CCDC144A: variants seen among roughly 807,000 people sequenced by gnomAD.
CCDC144A encodes the protein coiled-coil domain containing 144A, also known as coiled-coil domain-containing protein 144A.
In CCDC144A, 41 loss-of-function variants were observed where a neutral mutation model predicts 143.8. That is an observed-to-expected ratio of 0.29 (90% CI 0.22 to 0.37). The LOEUF (loss-of-function observed/expected upper bound fraction) is 0.37. Among genes scored for constraint, CCDC144A ranks in the 10% least tolerant of loss-of-function variants. The probability of loss-of-function intolerance (pLI) is 1.00; values close to 1 mark genes in which losing one functional copy is unlikely to be tolerated. For synonymous variants in CCDC144A, 242 were observed against 517.9 expected (o/e 0.47, Z 7.23); for missense variants, 637 against 1,488.8 (o/e 0.43, Z 9.41).
At chr17:16,678,481 C>G in the CCDC144A span, among the ~76,000 whole-genome samples, 5 of 152,068 alleles carry the variant, frequency 3.3e-5, no homozygotes, top group South Asian at 6.3e-4. Context: ...TTCAGAAACC[C>G]GAAGCCCCAC....
At chr17:16,721,806 C>T (rs770476710) in intron 8 of CCDC144A, among the ~76,000 whole-genome samples, 56 of 152,138 alleles carry the variant, frequency 3.7e-4, no homozygotes, top group Admixed American at 7.9e-4. Context: ...AACACAGCTG[C>T]ATTCCATTAA....
chr17:16,725,410 A>G (rs1194214496), intron 8 of CCDC144A, among the ~76,000 whole-genome samples: 2 of 151,430 alleles, frequency 1.3e-5, no homozygotes. Context: ...ATTAGCGATA[A>G]CTATTTTTTT....
At chr17:16,673,434 T>C in the CCDC144A span, among the ~76,000 whole-genome samples, 3 of 151,564 alleles carry the variant, frequency 2.0e-5, no homozygotes, top group African/African-American at 4.8e-5. Flanking sequence ...TTGCCCAGGC[T>C]GGAGTACAGT....
rs775583093 is a variant in CCDC144A at position 16,690,455 on chromosome 17, G to A, written c.55G>A (p.Ala19Thr). 1.2e-5 allele frequency: 20 copies of A among 1,609,708 alleles called. No individual in the cohort carries two copies. Among genetic ancestry groups the A allele is most frequent in the South Asian group, 6.6e-5 (6 of 90,952 alleles). The change falls in exon 1 of 17, where the codon GCA becomes ACA. Residue 19 changes from alanine to threonine, a missense_variant. Transcript: ENST00000399273. ...RGGAEGSPKP[A>T]VYATRKTPSV... ...AGGGGCTGAGGGGTCTCCGAAGCCGGCAGTCTACGCCACGAGGAAGACCCC... is the reference window on the plus strand; with the variant it reads ...AGGGGCTGAGGGGTCTCCGAAGCCGACAGTCTACGCCACGAGGAAGACCCC...
In CCDC144A at chr17:16,777,501, A is replaced by T. The variant is rs1188743152; in HGVS notation, c.*3868A>T. On this transcript the variant is annotated 3_prime_UTR_variant, in exon 17 of 17. Transcript: ENST00000399273. ...CAGTAAATTTAAGAAAATCAGAATT[A>T]TATCAAGTACTCTCTCAGACCACAG... is the stretch of plus-strand genomic sequence containing the variant. 6 of 136,796 alleles carry T rather than the reference A, an allele frequency of 4.4e-5. No individual in the cohort carries two copies. The highest frequency in any genetic ancestry group is 9.2e-5 in the Non-Finnish European group (6 of 65,214). The allele number at this position is 136,796 out of a possible 1,614,324, so 8.5% of individuals were successfully genotyped here. A position where few individuals can be genotyped will look rare whatever the true frequency, so the allele number is the denominator to read the frequency against.
chr17:16,689,842 G>A (rs1910936899), upstream of CCDC144A: 1 of 152,406 alleles, frequency 6.6e-6, no homozygotes, highest in Non-Finnish European at 1.5e-5. Flanking sequence ...GGGCAACTTT[G>A]CTGCAGTGGC....
chr17:16,776,549 T>A lies in CCDC144A; in HGVS notation c.*2916T>A, dbSNP rs1167973016. 6.6e-6 allele frequency: 1 copy of A among 152,220 alleles called. No homozygotes were observed. The highest frequency in any genetic ancestry group is 1.5e-5 in the Non-Finnish European group (1 of 68,046). 9.4% of individuals were successfully genotyped at this position (152,220 alleles called of 1,614,324 possible). On this transcript the variant is annotated 3_prime_UTR_variant, in exon 17 of 17. Transcript: ENST00000399273. ...ATGCTAGTGACTTTTGCACATTGAT[T>A]TTGTATCCTGAGACTTTGTTGAAGT...
At chr17:16,676,352 A>G in the CCDC144A span, among the ~76,000 whole-genome samples, 1 of 151,762 alleles carries the variant, frequency 6.6e-6, no homozygotes. Context: ...TCTCTACTAA[A>G]ATACAAAAAT....
chr17:16,742,163 G>GTT (rs1269894565), intron 12 of CCDC144A, among the ~76,000 whole-genome samples: 1 of 151,552 alleles, frequency 6.6e-6, no homozygotes, highest in Non-Finnish European at 1.5e-5. Context: ...TTCCTCCTAT[G>GTT]TAACTGTAAT....
chr17:16,698,301 C>A (rs1344696878), intron 2 of CCDC144A, among the ~76,000 whole-genome samples: 2 of 152,048 alleles, frequency 1.3e-5, no homozygotes, highest in Non-Finnish European at 2.9e-5. Flanking sequence ...GTGAGAATTT[C>A]AAGGAGGGAG....
chr17:16,668,341 TA>T, the CCDC144A span, among the ~76,000 whole-genome samples: 1 of 152,192 alleles, frequency 6.6e-6, no homozygotes, highest in Non-Finnish European at 1.5e-5. Flanking sequence ...ACTTATACCA[TA>T]TTTAAGTTTA....
intron 8 of CCDC144A, among the ~76,000 whole-genome samples, chr17:16,720,870 T>G (rs1386647898): frequency 2.6e-5 from 4 of 152,172 alleles, no homozygotes; most frequent in Non-Finnish European, 4.4e-5. Flanking sequence ...TTTTGTTGAC[T>G]CTTTCTCTCC....
At chr17:16,722,602 A>G (rs1156354468) in intron 8 of CCDC144A, among the ~76,000 whole-genome samples, 1 of 152,108 alleles carries the variant, frequency 6.6e-6, no homozygotes, top group Non-Finnish European at 1.5e-5. Flanking sequence ...GTATAAGGAC[A>G]TGTATTTATC....
At chr17:16,753,646 C>A (rs1268332497) in intron 12 of CCDC144A, among the ~76,000 whole-genome samples, 64 of 151,914 alleles carry the variant, frequency 4.2e-4, no homozygotes, top group African/African-American at 1.4e-3. Flanking sequence ...TTGCTGAATT[C>A]TTTAGTTCTA....
At chr17:16,760,983 AATC>A in intron 12 of CCDC144A, among the ~76,000 whole-genome samples, 1 of 146,998 alleles carries the variant, frequency 6.8e-6, no homozygotes, top group Non-Finnish European at 1.5e-5. Context: ...GTATTTTATG[AATC>A]TACAACAGTA....
upstream of CCDC144A, among the ~76,000 whole-genome samples, chr17:16,687,809 G>C (rs1299765464): frequency 2.6e-5 from 4 of 152,068 alleles, no homozygotes; most frequent in Non-Finnish European, 5.9e-5. Context: ...AATATCTACA[G>C]TTGCCTCAAT....
At chr17:16,768,666 G>A (rs1915705366) in intron 15 of CCDC144A, among the ~76,000 whole-genome samples, 1 of 152,052 alleles carries the variant, frequency 6.6e-6, no homozygotes, top group African/African-American at 2.4e-5. Flanking sequence ...TAGTTTTATT[G>A]GCTCCTTATT....
chr17:16,703,679 C>T (rs1026638662), intron 2 of CCDC144A, among the ~76,000 whole-genome samples: 28 of 151,938 alleles, frequency 1.8e-4, no homozygotes, highest in Middle Eastern at 3.4e-3. Context: ...TGGAGGGCAC[C>T]GGTAGTCCCA....
At chr17:16,749,836 G>T (rs1232949106) in intron 12 of CCDC144A, among the ~76,000 whole-genome samples, 2 of 152,188 alleles carry the variant, frequency 1.3e-5, no homozygotes, top group African/African-American at 4.8e-5. Flanking sequence ...CTTTATCATT[G>T]TGTAATGCCC....
Sources: allele counts gnomAD v4.1 joint callset (sites outside exome capture counted in the v4.1 genomes callset), GRCh38; gene constraint gnomAD v4.1.1; transcripts MANE v1.5; gene names NCBI Gene and HGNC (gene_info 2026-07-23, HGNC 2026-07-21).